Variants in RASGEF1C observed in about 807,000 individuals in gnomAD.
The protein encoded by RASGEF1C is ras-GEF domain-containing family member 1C.
RASGEF1C carries 27 observed loss-of-function variants against 58.1 expected under a neutral mutation model. That is an observed-to-expected ratio of 0.46 (90% CI 0.34 to 0.64). The LOEUF (loss-of-function observed/expected upper bound fraction) is 0.64, where lower values mean the gene tolerates loss of function less well. Among genes scored for constraint, RASGEF1C ranks in the 30% least tolerant of loss-of-function variants. The pLI, the probability that RASGEF1C is intolerant of heterozygous loss-of-function variation, is 0.01. For missense variants in RASGEF1C, 502 were observed against 605.1 expected (o/e 0.83, Z 1.79); for synonymous variants, 243 against 246.3 (o/e 0.99, Z 0.13).
intron 1 of RASGEF1C, among the ~76,000 whole-genome samples, chr5:180,181,040 A>G (rs2113323111): frequency 6.6e-6 from 1 of 152,366 alleles, no homozygotes; most frequent in East Asian, 1.9e-4. Context: ...CGTCACGCCC[A>G]GGTGGGTACC....
At chr5:180,206,432 G>C (rs7707586) in intron 1 of RASGEF1C, among the ~76,000 whole-genome samples, 43,005 of 152,094 alleles carry the variant, frequency 0.28, 6,311 homozygotes, top group African/African-American at 0.38. Context: ...CTGAAATACT[G>C]TTTCTCAGCT....
At chr5:180,104,754 T>A (rs1765847640) in intron 12 of RASGEF1C, among the ~76,000 whole-genome samples, 1 of 152,262 alleles carries the variant, frequency 6.6e-6, no homozygotes, top group African/African-American at 2.4e-5. Context: ...TTCAATTTAT[T>A]TAATAGTCAC....
chr5:180,160,660 T>C (rs1021234196), intron 1 of RASGEF1C, among the ~76,000 whole-genome samples: 2 of 129,738 alleles, frequency 1.5e-5, no homozygotes, highest in African/African-American at 5.0e-5. Flanking sequence ...GGAAAACTTT[T>C]AAAGCTGAAA....
intron 1 of RASGEF1C, among the ~76,000 whole-genome samples, chr5:180,175,416 G>C (rs1767207543): frequency 6.6e-6 from 1 of 152,228 alleles, no homozygotes; most frequent in Non-Finnish European, 1.5e-5. Flanking sequence ...CCTTCAAGCA[G>C]AGAAGGAGTC....
chr5:180,191,043 T>G (rs985798345), intron 1 of RASGEF1C, among the ~76,000 whole-genome samples: 1 of 152,244 alleles, frequency 6.6e-6, no homozygotes, highest in Non-Finnish European at 1.5e-5. Context: ...AGAAATGATG[T>G]CTCATATCAT....
At chr5:180,154,120 C>T (rs12517826) in intron 1 of RASGEF1C, among the ~76,000 whole-genome samples, 104,556 of 152,124 alleles carry the variant, frequency 0.69, 37,078 homozygotes, top group Non-Finnish European at 0.79. Flanking sequence ...CCAGAAGCTC[C>T]GAGAAGAGGC....
Position 180,152,715 on chromosome 5 carries a change from A to T in RASGEF1C, c.-6-14657T>A, listed in dbSNP as rs568448699. ...GTACCCTAGAACTTAAAGTATAATT[A>T]AAAAAAAAAAAAGAAAGAAAACCTG... On this transcript the variant is annotated intron_variant, in intron 1 of 13. Coordinates refer to ENST00000361132, the MANE Select transcript of RASGEF1C (RefSeq NM_175062.4). Among the ~76,000 whole-genome samples, 33 of 136,272 alleles carry T rather than the reference A, an allele frequency of 2.4e-4. No individual in the cohort carries two copies. The East Asian group carries it at 2.8e-3, about 12-fold the overall frequency. 89.4% of individuals were successfully genotyped at this position (136,272 alleles called of 152,430 possible). A position where few individuals can be genotyped will look rare whatever the true frequency, so the allele number is the denominator to read the frequency against.
chr5:180,207,727 C>T (rs1006125947), intron 1 of RASGEF1C, among the ~76,000 whole-genome samples: 2 of 152,166 alleles, frequency 1.3e-5, no homozygotes, highest in African/African-American at 4.8e-5. Flanking sequence ...CTGCCCAGGA[C>T]GTCCAGACCC....
intron 1 of RASGEF1C, among the ~76,000 whole-genome samples, chr5:180,181,994 G>C (rs1249233013): frequency 6.6e-6 from 1 of 151,796 alleles, no homozygotes; most frequent in Non-Finnish European, 1.5e-5. Flanking sequence ...ACGAGGTCAG[G>C]AGATCGAGAC....
At chr5:180,113,012 G>A (rs1489573039) in intron 11 of RASGEF1C, among the ~76,000 whole-genome samples, 3 of 99,564 alleles carry the variant, frequency 3.0e-5, no homozygotes, top group African/African-American at 7.0e-5. Flanking sequence ...CGGGCTGGAC[G>A]GAGGGACCGG....
rs959287677 is a variant in RASGEF1C at position 180,177,228 on chromosome 5, T to A, written c.-7+31800A>T. On this transcript the variant is annotated intron_variant, in intron 1 of 13. Transcript: ENST00000361132. The surrounding 1 kb of genome is among the most constrained non-coding windows in gnomAD (Gnocchi z 5.0). Reference sequence around the variant, plus strand: ...GAGTAGAGGATGCATTCAAACCATGTGCACATCAGCCCCTCAGCCCCGAAG... The same window carrying A: ...GAGTAGAGGATGCATTCAAACCATGAGCACATCAGCCCCTCAGCCCCGAAG... Among the ~76,000 whole-genome samples the A allele has an allele frequency of 5.9e-5, 9 of 152,266 alleles. No individual in the cohort carries two copies. In the South Asian group the frequency reaches 1.7e-3, roughly 28 times the overall value.
chr5:180,141,599 G>A (rs1246026555), intron 1 of RASGEF1C, among the ~76,000 whole-genome samples: 1 of 152,182 alleles, frequency 6.6e-6, no homozygotes, highest in African/African-American at 2.4e-5. Flanking sequence ...AAGAAGAAAA[G>A]ATTTCTGGAG....
rs1766883519 is a variant in RASGEF1C, at chr5:180,158,461, T to C, written c.-6-20403A>G. Among the ~76,000 whole-genome samples, 2 of 152,210 alleles carry C rather than the reference T, an allele frequency of 1.3e-5. No homozygotes were observed. The highest frequency in any genetic ancestry group is 4.8e-5 in the African/African-American group (2 of 41,442). Reference sequence around the variant, plus strand: ...TTCTCATTTTACTCACACTTGCTAGTGTAGTTTATAGTTCAGCAAGGCATA... The same window carrying C: ...TTCTCATTTTACTCACACTTGCTAGCGTAGTTTATAGTTCAGCAAGGCATA... On this transcript the variant is annotated intron_variant, in intron 1 of 13. Transcript: ENST00000361132. The surrounding 1 kb of genome is among the most constrained non-coding windows in gnomAD (Gnocchi z 4.0).
At chr5:180,154,289 C>T (rs1243985435) in intron 1 of RASGEF1C, among the ~76,000 whole-genome samples, 1 of 152,054 alleles carries the variant, frequency 6.6e-6, no homozygotes, top group African/African-American at 2.4e-5. Flanking sequence ...CAGTCCCTGT[C>T]CCCTTAAGGG....
At chr5:180,152,911 CAAAAAAA>C (rs755521241) in intron 1 of RASGEF1C, among the ~76,000 whole-genome samples, 17 of 71,698 alleles carry the variant, frequency 2.4e-4, no homozygotes, top group African/African-American at 7.9e-4. Flanking sequence ...AACCCCATCT[CAAAAAAA>C]AAAAAAAAAA....
chr5:180,172,046 C>G (rs1363695118), intron 1 of RASGEF1C, among the ~76,000 whole-genome samples: 1 of 152,224 alleles, frequency 6.6e-6, no homozygotes, highest in East Asian at 1.9e-4. Flanking sequence ...CACTTCTACC[C>G]TTACATTCAT....
chr5:180,195,922 CTTAT>C (rs942242102), intron 1 of RASGEF1C, among the ~76,000 whole-genome samples: 56 of 152,136 alleles, frequency 3.7e-4, no homozygotes, highest in Admixed American at 1.2e-3. Context: ...ATTAAAAACA[CTTAT>C]TTATTTATTT....
intron 1 of RASGEF1C, among the ~76,000 whole-genome samples, chr5:180,199,768 G>A (rs1027445948): frequency 3.5e-5 from 5 of 143,914 alleles, no homozygotes; most frequent in South Asian, 2.3e-4. Flanking sequence ...GACCTCAAGC[G>A]ATTCTCCCAC....
At chr5:180,207,928 A>G (rs73338757) in intron 1 of RASGEF1C, among the ~76,000 whole-genome samples, 7,231 of 152,270 alleles carry the variant, frequency 0.047, 433 homozygotes, top group African/African-American at 0.14. Flanking sequence ...CCCAGCACGC[A>G]TAAGATCTTG....
Sources: allele counts gnomAD v4.1 joint callset (sites outside exome capture counted in the v4.1 genomes callset), GRCh38; gene constraint gnomAD v4.1.1; non-coding constraint Gnocchi (gnomAD v3.1); transcripts MANE v1.5; gene names NCBI Gene and HGNC (gene_info 2026-07-23, HGNC 2026-07-21).